GFOD1: variants seen among roughly 807,000 people sequenced by gnomAD.
GFOD1 encodes Gfo/Idh/MocA-like oxidoreductase domain containing 1.
A neutral mutation model predicts 25.4 loss-of-function variants in GFOD1; 9 were observed. The observed-to-expected ratio is 0.35, with a 90% confidence interval of 0.21 to 0.62. The LOEUF (loss-of-function observed/expected upper bound fraction) is 0.62, where lower values mean the gene tolerates loss of function less well. GFOD1 is among the 20% of genes least tolerant of loss of function. The pLI is 0.72. For synonymous variants in GFOD1, 253 were observed against 245.6 expected (o/e 1.03, Z -0.28); for missense variants, 403 against 556.9 (o/e 0.72, Z 2.78).
chr6:13,365,764 G>T lies in GFOD1; in HGVS notation c.254-102C>A. Reference sequence around the variant, plus strand: ...TATTTCACATTAATAGAAAAAGAAGGTCAGATGTGGTGGCTCATGCCTGTT... The same window carrying T: ...TATTTCACATTAATAGAAAAAGAAGTTCAGATGTGGTGGCTCATGCCTGTT... On this transcript the variant is annotated intron_variant, in intron 1 of 1. Coordinates refer to ENST00000379287, the MANE Select transcript of GFOD1 (RefSeq NM_018988.4). The surrounding 1 kb of genome is among the most constrained non-coding windows in gnomAD (Gnocchi z 9.2). 1 of 911,972 alleles carries T rather than the reference G, an allele frequency of 1.1e-6. No individual in the cohort carries two copies. Among genetic ancestry groups the T allele is most frequent in the Non-Finnish European group, 1.6e-6 (1 of 606,980 alleles). 56.5% of individuals were successfully genotyped at this position (911,972 alleles called of 1,614,324 possible). A position where few individuals can be genotyped will look rare whatever the true frequency, so the allele number is the denominator to read the frequency against.
chr6:13,457,033 C>G (rs1328587217), intron 1 of GFOD1, among the ~76,000 whole-genome samples: 1 of 152,134 alleles, frequency 6.6e-6, no homozygotes, highest in East Asian at 1.9e-4. Flanking sequence ...AAAGATGGGG[C>G]TTTTCTCTCA....
intron 1 of GFOD1, among the ~76,000 whole-genome samples, chr6:13,409,289 G>A (rs1354278407): frequency 2.9e-5 from 1 of 33,984 alleles, no homozygotes; most frequent in East Asian, 1.2e-3. Flanking sequence ...AGACAGAGAG[G>A]AAGGAAGGAA....
chr6:13,410,860 C>T (rs1044596065), intron 1 of GFOD1, among the ~76,000 whole-genome samples: 58 of 152,220 alleles, frequency 3.8e-4, no homozygotes, highest in African/African-American at 1.3e-3. Flanking sequence ...CCTACACTAA[C>T]GCTGAGAATC....
chr6:13,479,808 G>A (rs115229939), intron 1 of GFOD1, among the ~76,000 whole-genome samples: 174 of 152,234 alleles, frequency 1.1e-3, no homozygotes, highest in Non-Finnish European at 1.7e-3. Context: ...TCGGCTCTAC[G>A]ACAAATTGAT....
intron 1 of GFOD1, among the ~76,000 whole-genome samples, chr6:13,386,885 T>G (rs577666260): frequency 6.6e-6 from 1 of 152,222 alleles, no homozygotes; most frequent in Non-Finnish European, 1.5e-5. Flanking sequence ...TGCCATGCAT[T>G]AAAAACAGAA....
chr6:13,416,450 C>T (rs1449010185), intron 1 of GFOD1, among the ~76,000 whole-genome samples: 3 of 152,062 alleles, frequency 2.0e-5, no homozygotes, highest in Non-Finnish European at 2.9e-5. Context: ...AAACAGCAGT[C>T]GAAGAAGGCC....
At position 13,358,979 on chromosome 6, in the gene GFOD1, G is replaced by A. The variant is rs1784907765; in HGVS notation, c.*5764C>T. On this transcript the variant is annotated 3_prime_UTR_variant, in exon 2 of 2. Coordinates refer to ENST00000379287, the MANE Select transcript of GFOD1 (RefSeq NM_018988.4). The stretch of plus-strand genomic sequence containing the variant: ...CAGCAAATGGGGACTGTGACGTGGG[G>A]GAGAAAAAGGCCAGTGGGCCATTGC... 1 of 152,400 alleles carries A rather than the reference G, an allele frequency of 6.6e-6. No individual in the cohort carries two copies. The highest frequency in any genetic ancestry group is 2.1e-4 in the South Asian group (1 of 4,834). The allele number at this position is 152,400 out of a possible 1,614,324, so 9.4% of individuals were successfully genotyped here.
Position 13,486,798 on chromosome 6 carries a change from C to T in GFOD1, c.93G>A (p.Leu31=), listed in dbSNP as rs776008049. 6.2e-7 allele frequency: 1 copy of T among 1,614,130 alleles called. No individual in the cohort carries two copies. Among genetic ancestry groups the T allele is most frequent in the Non-Finnish European group, 8.5e-7 (1 of 1,180,016 alleles). ...LKDEGFAVKA[L]WGRTQEEAEE... ...CCGCTTCTTCCTGCGTGCGGCCCCA[C>T]AGCGCCTTCACCGCGAAGCCCTCGT... Residue 31 remains leucine, a synonymous_variant, in exon 1 of 2, where the codon CTG becomes CTA. Transcript: ENST00000379287.
chr6:13,401,408 G>GAAGGGAA (rs10664313), intron 1 of GFOD1, among the ~76,000 whole-genome samples: 5 of 92,222 alleles, frequency 5.4e-5, no homozygotes, highest in Admixed American at 1.3e-4. Context: ...GAAGGGAAGG[G>GAAGGGAA]AAAGGGAAAA....
At chr6:13,484,736 G>A (rs933242862) in intron 1 of GFOD1, among the ~76,000 whole-genome samples, 1 of 152,138 alleles carries the variant, frequency 6.6e-6, no homozygotes, top group African/African-American at 2.4e-5. Flanking sequence ...CACTTTCATG[G>A]CCATGGTCCC....
At chr6:13,435,962 G>A (rs544425931) in intron 1 of GFOD1, among the ~76,000 whole-genome samples, 1 of 152,152 alleles carries the variant, frequency 6.6e-6, no homozygotes, top group African/African-American at 2.4e-5. Flanking sequence ...TCTCTTACAT[G>A]AGTAGAATAT....
rs9463698 is a variant in GFOD1 at position 13,369,833 on chromosome 6, C to T, written c.254-4171G>A. On this transcript the variant is annotated intron_variant, in intron 1 of 1. Transcript: ENST00000379287. ...GATGTAATGTTAAATGAAAAGGGCT[C>T]TATTCATAGACATATATGATCTCAA... is the stretch of plus-strand genomic sequence containing the variant. 8.1e-3 allele frequency among the ~76,000 whole-genome samples: 1,230 copies of T among 152,172 alleles called. 19 individuals are homozygous for T. The highest frequency in any genetic ancestry group is 0.028 in the African/African-American group (1,176 of 41,498).
intron 1 of GFOD1, among the ~76,000 whole-genome samples, chr6:13,471,423 C>T (rs775180429): frequency 7.9e-5 from 12 of 152,130 alleles, no homozygotes; most frequent in Admixed American, 2.0e-4. Context: ...CACCCAGGTC[C>T]GTGCCATCTG....
At chr6:13,469,172 C>T (rs1266298955) in intron 1 of GFOD1, 1 of 873,002 alleles carries the variant, frequency 1.1e-6, no homozygotes, top group African/African-American at 1.8e-5. Context: ...AGTAAAGAGG[C>T]CACTGGTCAC....
At chr6:13,372,924 G>C (rs976850390) in intron 1 of GFOD1, among the ~76,000 whole-genome samples, 3 of 152,212 alleles carry the variant, frequency 2.0e-5, no homozygotes, top group African/African-American at 7.2e-5. Context: ...CTGCAGGCTG[G>C]CTTGCAGCTG....
chr6:13,409,355 G>T (rs1786028260), intron 1 of GFOD1, among the ~76,000 whole-genome samples: 1 of 104,494 alleles, frequency 9.6e-6, no homozygotes, highest in African/African-American at 3.3e-5. Flanking sequence ...GAGAAAGAGA[G>T]AAAGAGACAG....
chr6:13,432,356 G>T (rs1216015801), intron 1 of GFOD1, among the ~76,000 whole-genome samples: 1 of 151,598 alleles, frequency 6.6e-6, no homozygotes, highest in African/African-American at 2.4e-5. Flanking sequence ...TGGGACCACA[G>T]GCATGCACCA....
At chr6:13,428,516 ATG>A (rs1453893978) in intron 1 of GFOD1, among the ~76,000 whole-genome samples, 1 of 92,130 alleles carries the variant, frequency 1.1e-5, no homozygotes, top group Non-Finnish European at 1.9e-5. Context: ...GTGCGATGCG[ATG>A]CGCTGGCTTT....
intron 1 of GFOD1, among the ~76,000 whole-genome samples, chr6:13,409,363 C>A: frequency 4.7e-5 from 3 of 63,490 alleles, no homozygotes; most frequent in African/African-American, 9.3e-5. Context: ...GAGAAAGAGA[C>A]AGAGGAAGGA....
Sources: allele counts gnomAD v4.1 joint callset (sites outside exome capture counted in the v4.1 genomes callset), GRCh38; gene constraint gnomAD v4.1.1; non-coding constraint Gnocchi (gnomAD v3.1); transcripts MANE v1.5; gene names NCBI Gene and HGNC (gene_info 2026-07-23, HGNC 2026-07-21).